Variants in PEX5L observed in about 807,000 individuals in gnomAD.
PEX5L encodes PEX5-related protein.
PEX5L carries 30 observed loss-of-function variants against 84.0 expected under a neutral mutation model. That is an observed-to-expected ratio of 0.36 (90% confidence interval 0.27 to 0.48). The LOEUF (loss-of-function observed/expected upper bound fraction) is 0.48. Ranked by LOEUF, PEX5L falls within the 20% of genes least tolerant of loss-of-function variation. The pLI is 0.99. For synonymous variants in PEX5L, 270 were observed against 283.1 expected (o/e 0.95, Z 0.46); for missense variants, 533 against 754.6 (o/e 0.71, Z 3.44).
At chr3:179,933,024 C>A (rs532340844) in intron 2 of PEX5L, among the ~76,000 whole-genome samples, 1 of 152,150 alleles carries the variant, frequency 6.6e-6, no homozygotes, top group Non-Finnish European at 1.5e-5. Context: ...CAGCCCACAC[C>A]CACAGCCTCT....
chr3:179,862,443 A>G (rs997988112), intron 7 of PEX5L, among the ~76,000 whole-genome samples: 107 of 152,336 alleles, frequency 7.0e-4, no homozygotes, highest in Middle Eastern at 3.4e-3. Context: ...GTAACCTAGT[A>G]GAGATGTTAA....
intron 8 of PEX5L, among the ~76,000 whole-genome samples, chr3:179,856,636 G>A (rs1187770821): frequency 6.6e-6 from 1 of 152,138 alleles, no homozygotes. Context: ...AAGTTTTGGA[G>A]GCATGATTTA....
At position 179,802,037 on chromosome 3, in the gene PEX5L, G is replaced by C. The variant is rs369462203; in HGVS notation, c.1677-5C>G. 12 of 1,601,258 alleles carry C rather than the reference G, an allele frequency of 7.5e-6. No homozygotes were observed. The African/African-American group carries it at 1.6e-4, about 21-fold the overall frequency. On this transcript the variant is annotated splice_region_variant and splice_polypyrimidine_tract_variant and intron_variant, in intron 14 of 14. Coordinates refer to ENST00000467460, the MANE Select transcript of PEX5L (RefSeq NM_016559.3). Reference sequence around the variant, plus strand: ...AGAAAATTGCTGACCGCTTCTCTAAGAAGGTAGAAAAACATATTTTAAAAT... The same window carrying C: ...AGAAAATTGCTGACCGCTTCTCTAACAAGGTAGAAAAACATATTTTAAAAT...
In PEX5L at chr3:179,875,477, T is replaced by A; in HGVS notation, c.506A>T (p.Asp169Val). The A allele has an allele frequency of 6.2e-7, 1 of 1,613,390 alleles. No individual in the cohort carries two copies. The highest frequency in any genetic ancestry group is 1.3e-5 in the African/African-American group (1 of 74,894). Residue 169 changes from aspartate to valine, a missense_variant and splice_region_variant, in exon 6 of 15, where the codon GAC (aspartate) becomes GTC (valine). Around this residue, in one of 8 missense-constraint regions of PEX5L, gnomAD observed 259 missense variants for 301.7 expected, o/e 0.86. Transcript: ENST00000467460. ...CCATTTTTCCAGTTGTGTTTGAATG[T>A]CTAGTAAGTACAGAGGAAGCAGGTG... ...RVPETSSLDL[D>V]IQTQLEKWDD... is the part of the protein sequence containing the mutation.
intron 8 of PEX5L, among the ~76,000 whole-genome samples, chr3:179,824,706 C>CAAAAAAAAA (rs11296415): frequency 2.8e-5 from 2 of 70,518 alleles, no homozygotes; most frequent in Non-Finnish European, 5.2e-5. Context: ...AACTCCATCT[C>CAAAAAAAAA]AAAAAAAAAA....
intron 1 of PEX5L, among the ~76,000 whole-genome samples, chr3:180,029,585 T>C (rs1347471875): frequency 6.6e-6 from 1 of 152,162 alleles, no homozygotes; most frequent in East Asian, 1.9e-4. Flanking sequence ...CAGCTCTTCT[T>C]TCAGGGACTT....
chr3:179,948,870 A>C (rs572710618), intron 2 of PEX5L, among the ~76,000 whole-genome samples: 8 of 152,372 alleles, frequency 5.3e-5, no homozygotes, highest in African/African-American at 1.9e-4. Flanking sequence ...ACTGGCAACT[A>C]AGAAGTTTTT....
intron 1 of PEX5L, among the ~76,000 whole-genome samples, chr3:179,996,066 G>T (rs529193741): frequency 6.6e-6 from 1 of 152,268 alleles, no homozygotes; most frequent in South Asian, 2.1e-4. Context: ...TGCTGCCTGA[G>T]GTAAGAGTGG....
chr3:179,874,305 A>G (rs776267991), intron 7 of PEX5L, 22 bp downstream of exon 7: 4 of 1,330,740 alleles, frequency 3.0e-6, no homozygotes, highest in Non-Finnish European at 4.3e-6. Flanking sequence ...AGATGTGTTC[A>G]TTGAATAATC....
At chr3:180,027,288 T>C (rs529963469) in intron 1 of PEX5L, among the ~76,000 whole-genome samples, 1 of 152,310 alleles carries the variant, frequency 6.6e-6, no homozygotes, top group South Asian at 2.1e-4. Context: ...CCTTCACCCC[T>C]AGCCTAGATC....
intron 3 of PEX5L, 48 bp downstream of exon 3, chr3:179,898,094 A>G (rs767122674): frequency 3.5e-5 from 40 of 1,147,588 alleles, no homozygotes; most frequent in Non-Finnish European, 4.9e-5. Flanking sequence ...AATGTCTGAT[A>G]TATTAACATA....
intron 9 of PEX5L, among the ~76,000 whole-genome samples, chr3:179,817,380 G>A (rs1160126235): frequency 6.6e-6 from 1 of 152,094 alleles, no homozygotes; most frequent in Non-Finnish European, 1.5e-5. Flanking sequence ...CCCATGGATA[G>A]GCTATATTTA....
At chr3:179,996,246 T>A (rs1300424662) in intron 1 of PEX5L, among the ~76,000 whole-genome samples, 1 of 152,194 alleles carries the variant, frequency 6.6e-6, no homozygotes, top group African/African-American at 2.4e-5. Context: ...TTGAGTTTTC[T>A]AATTTATATA....
At chr3:179,965,750 A>C (rs887059914) in intron 2 of PEX5L, among the ~76,000 whole-genome samples, 1 of 152,206 alleles carries the variant, frequency 6.6e-6, no homozygotes, top group Non-Finnish European at 1.5e-5. Context: ...CAGCATCGTG[A>C]GTTTACAAGG....
chr3:179,953,119 TTAAA>T (rs1225369027), intron 2 of PEX5L, among the ~76,000 whole-genome samples: 2 of 71,304 alleles, frequency 2.8e-5, no homozygotes, highest in Non-Finnish European at 5.2e-5. Context: ...GATTAAAGAC[TTAAA>T]CATAAGACTG....
chr3:180,017,791 A>G (rs1790068496), intron 1 of PEX5L, among the ~76,000 whole-genome samples: 1 of 152,224 alleles, frequency 6.6e-6, no homozygotes, highest in African/African-American at 2.4e-5. Context: ...AAAATATTTG[A>G]TAATGAATGA....
chr3:179,857,580 TGATA>T (rs915136156), intron 8 of PEX5L, among the ~76,000 whole-genome samples: 19 of 152,350 alleles, frequency 1.2e-4, no homozygotes, highest in East Asian at 3.9e-4. Flanking sequence ...ATATGTATCT[TGATA>T]GATAGATAGT....
chr3:179,949,569 C>T (rs1291170555), intron 2 of PEX5L, among the ~76,000 whole-genome samples: 1 of 152,132 alleles, frequency 6.6e-6, no homozygotes, highest in Non-Finnish European at 1.5e-5. Context: ...CACTAAATTG[C>T]CTGTGTTCAC....
chr3:179,965,671 C>CAGT (rs1214059876), intron 2 of PEX5L, among the ~76,000 whole-genome samples: 2 of 152,022 alleles, frequency 1.3e-5, no homozygotes, highest in African/African-American at 4.8e-5. Flanking sequence ...TCCTAGAGTC[C>CAGT]AGTGATGCTT....
Sources: gnomAD v4.1 joint callset for allele counts (sites outside exome capture counted in the v4.1 genomes callset) on GRCh38, gnomAD v4.1.1 for gene constraint, gnomAD v4.1.1 regional missense constraint, MANE v1.5 for transcripts, NCBI Gene and HGNC (gene_info 2026-07-23, HGNC 2026-07-21) for gene names.